ADCY2: variants seen among roughly 807,000 people sequenced by gnomAD.
ADCY2 encodes the protein adenylate cyclase 2.
Under a neutral mutation model 125.2 loss-of-function variants are expected in ADCY2, and 31 were observed. That is an observed-to-expected ratio of 0.25 (90% CI 0.19 to 0.33). The LOEUF (loss-of-function observed/expected upper bound fraction) is 0.33, where lower values mean the gene tolerates loss of function less well. Ranked by LOEUF, ADCY2 falls within the 10% of genes least tolerant of loss-of-function variation. ADCY2 has a pLI of 1.00. For synonymous variants in ADCY2, 512 were observed against 548.4 expected, an observed-to-expected ratio of 0.93 and a Z score of 0.93; for missense variants, 904 against 1,418.2, an observed-to-expected ratio of 0.64 and a Z score of 5.82.
chr5:7,778,866 C>A (rs1446747072), intron 18 of ADCY2, among the ~76,000 whole-genome samples: 1 of 152,216 alleles, frequency 6.6e-6, no homozygotes, highest in African/African-American at 2.4e-5. Flanking sequence ...AGACCTTACC[C>A]TGGGGCAGAT....
chr5:7,736,941 G>T (rs1457437031), intron 14 of ADCY2, among the ~76,000 whole-genome samples: 2 of 151,954 alleles, frequency 1.3e-5, no homozygotes, highest in African/African-American at 4.8e-5. Flanking sequence ...TTAGAGTATG[G>T]CATAACCCAA....
intron 3 of ADCY2, among the ~76,000 whole-genome samples, chr5:7,571,706 A>C (rs1316145601): frequency 1.3e-5 from 2 of 152,144 alleles, no homozygotes; most frequent in East Asian, 3.9e-4. Context: ...AACGTGTGTC[A>C]TGGGAGTTTG....
intron 4 of ADCY2, among the ~76,000 whole-genome samples, chr5:7,632,822 C>T (rs2914291): frequency 0.15 from 22,460 of 152,132 alleles, 2,059 homozygotes; most frequent in East Asian, 0.44. Context: ...AAATGAGAAA[C>T]GAAAATTAAC....
intron 2 of ADCY2, among the ~76,000 whole-genome samples, chr5:7,507,935 A>T (rs1410322877): frequency 2.0e-5 from 3 of 152,200 alleles, no homozygotes; most frequent in Admixed American, 2.0e-4. Flanking sequence ...ATTAAAAAAA[A>T]ACTTGCCAAT....
chr5:7,446,294 G>A (rs1449444811), intron 2 of ADCY2, among the ~76,000 whole-genome samples: 2 of 151,962 alleles, frequency 1.3e-5, no homozygotes, highest in South Asian at 2.1e-4. Context: ...TTGATTGTTC[G>A]TTGTAGTCTC....
chr5:7,401,117 G>C (rs1405466505), intron 1 of ADCY2, among the ~76,000 whole-genome samples: 1 of 152,142 alleles, frequency 6.6e-6, no homozygotes, highest in Non-Finnish European at 1.5e-5. Context: ...AAATGGCATG[G>C]TACCTGCCTT....
At chr5:7,693,604 G>A (rs1740790592) in intron 5 of ADCY2, among the ~76,000 whole-genome samples, 1 of 151,940 alleles carries the variant, frequency 6.6e-6, no homozygotes, top group African/African-American at 2.4e-5. Flanking sequence ...GTAATTTTTA[G>A]TAGAGATGGG....
rs1238453104 is a variant in ADCY2, at chr5:7,396,173, C to T, written c.-124C>T. The T allele has an allele frequency of 8.9e-6, 3 of 335,382 alleles. No individual in the cohort carries two copies. The highest frequency in any genetic ancestry group is 3.6e-4 in the East Asian group (2 of 5,506). 20.8% of individuals were successfully genotyped at this position (335,382 alleles called of 1,614,324 possible). ...GCTCCGCCCGCGCCGGAGGCCCCTGCGCGCAGCTCCGGGTGCCGGCAGCCG... is the reference window on the plus strand; with the variant it reads ...GCTCCGCCCGCGCCGGAGGCCCCTGTGCGCAGCTCCGGGTGCCGGCAGCCG... On this transcript the variant is annotated 5_prime_UTR_variant, in exon 1 of 25. Coordinates refer to ENST00000338316, the MANE Select transcript of ADCY2 (RefSeq NM_020546.3). This position sits in a 1 kb window ranked among gnomAD's most constrained non-coding sequence, Gnocchi z 5.7.
chr5:7,823,013 ACTGTCC>A (rs1277912541), intron 24 of ADCY2, among the ~76,000 whole-genome samples: 1 of 152,236 alleles, frequency 6.6e-6, no homozygotes, highest in East Asian at 1.9e-4. Flanking sequence ...TCTTTAAAAG[ACTGTCC>A]CCTCCATTGT....
At chr5:7,500,878 G>A in intron 2 of ADCY2, among the ~76,000 whole-genome samples, 1 of 152,088 alleles carries the variant, frequency 6.6e-6, no homozygotes, top group East Asian at 1.9e-4. Context: ...AAGAAACTGG[G>A]ATCCTTGCAG....
chr5:7,581,663 C>CA (rs66835903), intron 3 of ADCY2, among the ~76,000 whole-genome samples: 72,421 of 149,976 alleles, frequency 0.48, 18,473 homozygotes, highest in Non-Finnish European at 0.57. Context: ...ACTAAAAATA[C>CA]AAAAAAAAAT....
At chr5:7,667,462 G>C (rs1739796031) in intron 4 of ADCY2, among the ~76,000 whole-genome samples, 1 of 152,120 alleles carries the variant, frequency 6.6e-6, no homozygotes, top group Non-Finnish European at 1.5e-5. Flanking sequence ...TTGAGTAACT[G>C]TTTCTCAGTA....
At chr5:7,414,366 AAC>A (rs1348081143) in intron 1 of ADCY2, among the ~76,000 whole-genome samples, 27 of 152,222 alleles carry the variant, frequency 1.8e-4, no homozygotes, top group African/African-American at 4.8e-4. Flanking sequence ...TTAAATATCC[AAC>A]ATTGGATTAT....
chr5:7,544,721 C>A (rs1408297808), intron 3 of ADCY2, among the ~76,000 whole-genome samples: 1 of 152,196 alleles, frequency 6.6e-6, no homozygotes, highest in African/African-American at 2.4e-5. Context: ...TTGTTCTGCT[C>A]ATGCTCAGGC....
At chr5:7,681,786 A>T (rs192244788) in intron 4 of ADCY2, among the ~76,000 whole-genome samples, 75 of 140,316 alleles carry the variant, frequency 5.3e-4, no homozygotes, top group African/African-American at 2.2e-3. Context: ...AAAACCATTT[A>T]AAAAAAGGGG....
intron 3 of ADCY2, among the ~76,000 whole-genome samples, chr5:7,609,479 G>A (rs974450559): frequency 1.1e-4 from 16 of 152,206 alleles, no homozygotes; most frequent in Non-Finnish European, 2.1e-4. Flanking sequence ...CATGAATTAG[G>A]ATATTTCCAA....
chr5:7,596,225 C>G (rs1736995846), intron 3 of ADCY2, among the ~76,000 whole-genome samples: 1 of 152,004 alleles, frequency 6.6e-6, no homozygotes, highest in Non-Finnish European at 1.5e-5. Flanking sequence ...ATGATAACAG[C>G]CTTGCCAATG....
intron 15 of ADCY2, among the ~76,000 whole-genome samples, chr5:7,754,178 G>T (rs76031226): frequency 6.6e-6 from 1 of 152,070 alleles, no homozygotes; most frequent in Non-Finnish European, 1.5e-5. Flanking sequence ...ATATCTGCCC[G>T]GGTCTGTTTT....
intron 3 of ADCY2, among the ~76,000 whole-genome samples, chr5:7,535,303 G>A (rs981077287): frequency 2.6e-5 from 4 of 152,114 alleles, no homozygotes; most frequent in African/African-American, 7.2e-5. Context: ...TTGGCCTCCC[G>A]AAGTGACCAA....
Sources: allele counts gnomAD v4.1 joint callset (sites outside exome capture counted in the v4.1 genomes callset), GRCh38; gene constraint gnomAD v4.1.1; non-coding constraint Gnocchi (gnomAD v3.1); transcripts MANE v1.5; gene names NCBI Gene and HGNC (gene_info 2026-07-23, HGNC 2026-07-21).